FAM171A1: variants seen among roughly 807,000 people sequenced by gnomAD.
FAM171A1 encodes the protein family with sequence similarity 171 member A1, also known as protein FAM171A1.
Under a neutral mutation model 74.9 loss-of-function variants are expected in FAM171A1, and 23 were observed. The observed-to-expected ratio is 0.31, with a 90% CI of 0.22 to 0.44. The LOEUF (loss-of-function observed/expected upper bound fraction) is 0.44, where lower values mean the gene tolerates loss of function less well. Among genes scored for constraint, FAM171A1 ranks in the 20% least tolerant of loss-of-function variants. The probability of loss-of-function intolerance (pLI) is 1.00; values close to 1 mark genes in which losing one functional copy is unlikely to be tolerated. For synonymous variants in FAM171A1, 527 were observed against 505.7 expected, an observed-to-expected ratio of 1.04 and a Z score of -0.57; for missense variants, 1,162 against 1,159.2, an observed-to-expected ratio of 1.00 and a Z score of -0.03.
chr10:15,358,932 C>T (rs1195811261), intron 1 of FAM171A1, among the ~76,000 whole-genome samples: 7 of 152,110 alleles, frequency 4.6e-5, no homozygotes, highest in Admixed American at 6.5e-5. Flanking sequence ...TCCTACATAA[C>T]AGTAGAGTCT....
chr10:15,345,388 C>T (rs1039089905), intron 1 of FAM171A1, among the ~76,000 whole-genome samples: 8 of 152,188 alleles, frequency 5.3e-5, no homozygotes, highest in Non-Finnish European at 1.0e-4. Flanking sequence ...AATAGCAAAG[C>T]TAAGCACACA....
chr10:15,267,709 G>A (rs775429656), intron 3 of FAM171A1, among the ~76,000 whole-genome samples: 51 of 151,974 alleles, frequency 3.4e-4, no homozygotes, highest in Admixed American at 8.5e-4. Context: ...CAGGTGCTGG[G>A]TCCTGGAGGA....
intron 5 of FAM171A1, chr10:15,241,631 A>C (rs1274834486): frequency 6.6e-6 from 1 of 152,214 alleles, no homozygotes; most frequent in African/African-American, 2.4e-5. Flanking sequence ...TTGAAAAACA[A>C]AAATTTTATG....
At chr10:15,342,505 T>C (rs1257165555) in intron 1 of FAM171A1, among the ~76,000 whole-genome samples, 1 of 151,930 alleles carries the variant, frequency 6.6e-6, no homozygotes, top group Non-Finnish European at 1.5e-5. Flanking sequence ...GAGGCAGAGG[T>C]TGAAATGAGC....
At position 15,331,861 on chromosome 10, in the gene FAM171A1, A is replaced by G. The variant is rs867694623; in HGVS notation, c.97+39095T>C. Among the ~76,000 whole-genome samples the G allele has an allele frequency of 4.0e-3, 152 of 38,226 alleles. 7 individuals carry two copies. The highest frequency in any genetic ancestry group is 0.016 in the African/African-American group (101 of 6,328). The allele number at this position is 38,226 out of a possible 152,430, so 25.1% of individuals were successfully genotyped here. A position where few individuals can be genotyped will look rare whatever the true frequency, so the allele number is the denominator to read the frequency against. On this transcript the variant is annotated intron_variant, in intron 1 of 7. Coordinates refer to ENST00000378116, the MANE Select transcript of FAM171A1 (RefSeq NM_001010924.2). ...TATATGTGTGTATATATATGTGTGT[A>G]TATATATGTGTGTGTATACATATAT... is the stretch of plus-strand genomic sequence containing the variant.
Position 15,320,969 on chromosome 10 carries a change from T to A in FAM171A1, c.98-36864A>T, listed in dbSNP as rs143806220. On this transcript the variant is annotated intron_variant, in intron 1 of 7. Transcript: ENST00000378116. The stretch of plus-strand genomic sequence containing the variant: ...GGTACTGTAACTGAAGAGAGTTTAA[T>A]GGGGATGTAACACGGGTGAATGCTG... Among the ~76,000 whole-genome samples, 317 of 152,312 alleles carry A rather than the reference T, an allele frequency of 2.1e-3. 1 individual carries two copies. Among genetic ancestry groups the A allele is most frequent in the Non-Finnish European group, 3.7e-3 (250 of 68,032 alleles).
chr10:15,254,596 T>C, intron 4 of FAM171A1, 125 bp downstream of exon 4: 1 of 1,041,668 alleles, frequency 9.6e-7, no homozygotes, highest in Non-Finnish European at 1.4e-6. Flanking sequence ...GTACCAAGAA[T>C]TCCCCTTCTG....
intron 5 of FAM171A1, among the ~76,000 whole-genome samples, chr10:15,239,544 C>G (rs561987639): frequency 7.9e-5 from 12 of 152,288 alleles, no homozygotes; most frequent in Non-Finnish European, 1.5e-4. Context: ...CTCAAGTGAT[C>G]TGCCCACCTT....
chr10:15,236,136 A>G (rs1228623904), intron 5 of FAM171A1, among the ~76,000 whole-genome samples: 1 of 152,170 alleles, frequency 6.6e-6, no homozygotes. Context: ...GATGTTTCCA[A>G]ATATGGAACA....
At chr10:15,302,682 G>C (rs961000534) in intron 1 of FAM171A1, among the ~76,000 whole-genome samples, 1 of 152,150 alleles carries the variant, frequency 6.6e-6, no homozygotes, top group African/African-American at 2.4e-5. Context: ...GGGTTGCAAA[G>C]CCACATTTAG....
At chr10:15,268,798 T>C (rs1229266055) in intron 3 of FAM171A1, among the ~76,000 whole-genome samples, 2 of 152,180 alleles carry the variant, frequency 1.3e-5, no homozygotes, top group African/African-American at 2.4e-5. Context: ...TCCCAACACT[T>C]TGGGAGGCCG....
chr10:15,327,926 CTAAAA>C (rs1835575881), intron 1 of FAM171A1, among the ~76,000 whole-genome samples: 1 of 102,238 alleles, frequency 9.8e-6, no homozygotes, highest in Non-Finnish European at 1.9e-5. Context: ...TCCCCTGCAC[CTAAAA>C]TAAAAGTAAA....
intron 3 of FAM171A1, among the ~76,000 whole-genome samples, chr10:15,265,242 CGTGTGTGTGCGTGTGT>C (rs961826976): frequency 2.0e-5 from 3 of 151,488 alleles, no homozygotes; most frequent in Non-Finnish European, 4.4e-5. Flanking sequence ...CTCAAGTACT[CGTGTGTGTGCGTGTGT>C]GTGTGTGTGC....
chr10:15,267,187 A>G (rs966358026), intron 3 of FAM171A1, among the ~76,000 whole-genome samples: 1 of 152,234 alleles, frequency 6.6e-6, no homozygotes, highest in African/African-American at 2.4e-5. Context: ...GTGTCAGGGC[A>G]TGGGCATGGC....
At chr10:15,316,100 G>A (rs893527943) in intron 1 of FAM171A1, among the ~76,000 whole-genome samples, 24 of 152,006 alleles carry the variant, frequency 1.6e-4, no homozygotes, top group Non-Finnish European at 3.2e-4. Flanking sequence ...CTCACGTTAC[G>A]GATAACTTAC....
At chr10:15,275,335 G>A (rs1378188662) in intron 3 of FAM171A1, among the ~76,000 whole-genome samples, 1 of 148,600 alleles carries the variant, frequency 6.7e-6, no homozygotes, top group Non-Finnish European at 1.5e-5. Flanking sequence ...CACCCAGGCT[G>A]GAGTGCAGTG....
chr10:15,304,526 C>G (rs973836967), intron 1 of FAM171A1, among the ~76,000 whole-genome samples: 1 of 152,114 alleles, frequency 6.6e-6, no homozygotes, highest in Non-Finnish European at 1.5e-5. Flanking sequence ...ATTAGCCAAC[C>G]CTAAACCTGC....
At chr10:15,217,910 C>T (rs1161084107) in intron 6 of FAM171A1, among the ~76,000 whole-genome samples, 1 of 152,058 alleles carries the variant, frequency 6.6e-6, no homozygotes. Flanking sequence ...GGATTACAGG[C>T]ATGAGCCACC....
At chr10:15,243,537 C>CTGTGT (rs1157913417) in intron 5 of FAM171A1, among the ~76,000 whole-genome samples, 1 of 152,072 alleles carries the variant, frequency 6.6e-6, no homozygotes, top group Non-Finnish European at 1.5e-5. Flanking sequence ...AGTTACAGTG[C>CTGTGT]ACACAACCCA....
Sources: gnomAD v4.1 joint callset for allele counts (sites outside exome capture counted in the v4.1 genomes callset) on GRCh38, gnomAD v4.1.1 for gene constraint, MANE v1.5 for transcripts, NCBI Gene and HGNC (gene_info 2026-07-23, HGNC 2026-07-21) for gene names.